Variants in AP3B1 observed in about 807,000 individuals in gnomAD.
AP3B1 encodes adaptor related protein complex 3 subunit beta 1.
Under a neutral mutation model 132.5 loss-of-function variants are expected in AP3B1, and 61 were observed. That is an observed-to-expected ratio of 0.46 (90% CI 0.37 to 0.57). The LOEUF (loss-of-function observed/expected upper bound fraction) is 0.57, where lower values mean the gene tolerates loss of function less well. Among genes scored for constraint, AP3B1 ranks in the 20% least tolerant of loss-of-function variants. The pLI, the probability that AP3B1 is intolerant of heterozygous loss-of-function variation, is 0.00. For missense variants in AP3B1, 1,120 were observed against 1,289.4 expected (o/e 0.87, Z 2.01); for synonymous variants, 388 against 438.3 (o/e 0.89, Z 1.43).
chr5:78,200,782 G>A (rs1250196959), intron 7 of AP3B1, among the ~76,000 whole-genome samples: 1 of 152,090 alleles, frequency 6.6e-6, no homozygotes, highest in Non-Finnish European at 1.5e-5. Context: ...ATGTTGGTGA[G>A]GATGTGGAGC....
intron 20 of AP3B1, among the ~76,000 whole-genome samples, chr5:78,109,925 C>T (rs1404487202): frequency 6.6e-6 from 1 of 152,034 alleles, no homozygotes; most frequent in African/African-American, 2.4e-5. Context: ...ATTCTTTGCT[C>T]AATACTATTT....
At chr5:78,265,131 G>A (rs919801836) in intron 2 of AP3B1, among the ~76,000 whole-genome samples, 16 of 151,976 alleles carry the variant, frequency 1.1e-4, no homozygotes, top group Non-Finnish European at 1.9e-4. Flanking sequence ...AACTTAAAAC[G>A]TTGGAAAAAT....
chr5:78,061,251 G>A (rs1203274269), intron 22 of AP3B1, among the ~76,000 whole-genome samples: 1 of 150,388 alleles, frequency 6.6e-6, no homozygotes, highest in African/African-American at 2.5e-5. Flanking sequence ...AAAAGGTATT[G>A]TTTTCTAAGA....
chr5:78,007,977 AAAC>A (rs1192001502), intron 26 of AP3B1, among the ~76,000 whole-genome samples: 2 of 152,212 alleles, frequency 1.3e-5, no homozygotes, highest in African/African-American at 4.8e-5. Context: ...AATAAAAAAT[AAAC>A]AACCACCATA....
intron 24 of AP3B1, among the ~76,000 whole-genome samples, chr5:78,028,105 A>G (rs1747412674): frequency 6.6e-6 from 1 of 152,134 alleles, no homozygotes; most frequent in Non-Finnish European, 1.5e-5. Context: ...CAGCCTGGCG[A>G]CAGAGTAAGA....
chr5:78,005,254 A>G (rs772076041), intron 26 of AP3B1, among the ~76,000 whole-genome samples: 1 of 152,194 alleles, frequency 6.6e-6, no homozygotes, highest in Non-Finnish European at 1.5e-5. Flanking sequence ...TATTTACTTA[A>G]CACTTGTGCC....
chr5:78,022,825 C>A (rs1190971959), intron 24 of AP3B1, among the ~76,000 whole-genome samples: 2 of 152,016 alleles, frequency 1.3e-5, no homozygotes, highest in Non-Finnish European at 2.9e-5. Context: ...TAAGGATTTA[C>A]TGTGTGTTTT....
Position 78,002,986 on chromosome 5 carries a change from T to A in AP3B1, c.3201A>T (p.Thr1067=), listed in dbSNP as rs1746245704. ...TCTCAGTGTTTATGATAAGCTGGGCTGTAGAGCCTTCCTTCAGTTCCACTG... is the reference window on the plus strand; with the variant it reads ...TCTCAGTGTTTATGATAAGCTGGGCAGTAGAGCCTTCCTTCAGTTCCACTG... ...LVTVELKEGS[T]AQLIINTEKT... is the part of the protein sequence containing the mutation. Residue 1067 remains threonine (T), a synonymous_variant, in exon 27 of 27, where the codon ACA becomes ACT. Coordinates refer to ENST00000255194, the MANE Select transcript of AP3B1 (RefSeq NM_003664.5). 3.1e-6 allele frequency: 5 copies of A among 1,614,190 alleles called. No individual in the cohort carries two copies. Among genetic ancestry groups the A allele is most frequent in the Middle Eastern group, 1.6e-4 (1 of 6,062 alleles).
At chr5:78,142,159 T>C (rs1428775065) in intron 14 of AP3B1, among the ~76,000 whole-genome samples, 1 of 152,238 alleles carries the variant, frequency 6.6e-6, no homozygotes, top group Non-Finnish European at 1.5e-5. Flanking sequence ...TTTGGCACTA[T>C]ATTTTTAAAT....
At position 78,060,994 on chromosome 5, in the gene AP3B1, C is replaced by T. The variant is rs1021577496; in HGVS notation, c.2578-21720G>A. 4.3e-4 allele frequency among the ~76,000 whole-genome samples: 66 copies of T among 152,190 alleles called. 1 individual carries two copies. Among genetic ancestry groups the T allele is most frequent in the Admixed American group, 3.9e-4 (6 of 15,280 alleles). On this transcript the variant is annotated intron_variant, in intron 22 of 26. Transcript: ENST00000255194. ...TGTTTAATCTGACACCTGCTCAGATCATCACACTACCTCTTGACATATAGT... is the reference window on the plus strand; with the variant it reads ...TGTTTAATCTGACACCTGCTCAGATTATCACACTACCTCTTGACATATAGT...
At chr5:78,244,545 A>G (rs1264457697) in intron 2 of AP3B1, among the ~76,000 whole-genome samples, 2 of 152,214 alleles carry the variant, frequency 1.3e-5, no homozygotes, top group African/African-American at 4.8e-5. Context: ...TTGGTTTCAG[A>G]TATGCTGAGA....
intron 22 of AP3B1, among the ~76,000 whole-genome samples, chr5:78,073,797 C>A (rs1479102955): frequency 6.6e-6 from 1 of 152,102 alleles, no homozygotes; most frequent in Non-Finnish European, 1.5e-5. Flanking sequence ...AGTGAACTCT[C>A]AGCTCTGAAA....
At chr5:78,076,037 G>A (rs1464103406) in intron 22 of AP3B1, among the ~76,000 whole-genome samples, 1 of 152,162 alleles carries the variant, frequency 6.6e-6, no homozygotes, top group African/African-American at 2.4e-5. Context: ...TAGGTTTTAA[G>A]TTATAATGGT....
intron 22 of AP3B1, among the ~76,000 whole-genome samples, chr5:78,049,353 A>G (rs1189755964): frequency 6.6e-6 from 1 of 152,222 alleles, no homozygotes; most frequent in Non-Finnish European, 1.5e-5. Flanking sequence ...ATCATTAATC[A>G]TTACTCACCA....
intron 23 of AP3B1, among the ~76,000 whole-genome samples, chr5:78,035,593 T>G (rs1321600254): frequency 3.3e-5 from 5 of 152,044 alleles, no homozygotes; most frequent in African/African-American, 7.2e-5. Flanking sequence ...CAATGAGGAG[T>G]AAGCATTACA....
At chr5:78,148,324 A>G (rs1561439525) in intron 14 of AP3B1, among the ~76,000 whole-genome samples, 3 of 152,166 alleles carry the variant, frequency 2.0e-5, no homozygotes, top group Non-Finnish European at 4.4e-5. Flanking sequence ...GGGGAGATAC[A>G]GAACTCCTAG....
intron 2 of AP3B1, among the ~76,000 whole-genome samples, chr5:78,258,833 C>T (rs1376113141): frequency 6.6e-6 from 1 of 152,100 alleles, no homozygotes; most frequent in African/African-American, 2.4e-5. Flanking sequence ...AAATGTGGGG[C>T]AAATACACAA....
chr5:78,231,528 A>G (rs1227396955), intron 3 of AP3B1, among the ~76,000 whole-genome samples: 2 of 149,142 alleles, frequency 1.3e-5, no homozygotes, highest in South Asian at 2.1e-4. Context: ...ACTTCTGTAT[A>G]AAAAAAAAAT....
intron 17 of AP3B1, among the ~76,000 whole-genome samples, chr5:78,120,125 C>A (rs974031820): frequency 1.3e-5 from 2 of 152,128 alleles, no homozygotes; most frequent in Admixed American, 6.5e-5. Flanking sequence ...AAATACTTTA[C>A]AGACAAGCAA....
Sources: allele counts gnomAD v4.1 joint callset (sites outside exome capture counted in the v4.1 genomes callset), GRCh38; gene constraint gnomAD v4.1.1; transcripts MANE v1.5; gene names NCBI Gene and HGNC (gene_info 2026-07-23, HGNC 2026-07-21).